STAU2: variants seen among roughly 807,000 people sequenced by gnomAD.
The protein encoded by STAU2 is double-stranded RNA-binding protein Staufen homolog 2.
In STAU2, 20 loss-of-function variants were observed where a neutral mutation model predicts 65.9. The observed-to-expected ratio is 0.30, with a 90% CI of 0.21 to 0.44. The LOEUF (loss-of-function observed/expected upper bound fraction) is 0.44. STAU2 is among the 20% of genes least tolerant of loss of function. The probability of loss-of-function intolerance (pLI) is 1.00; values close to 1 mark genes in which losing one functional copy is unlikely to be tolerated. For synonymous variants in STAU2, 232 were observed against 233.9 expected, an observed-to-expected ratio of 0.99 and a Z score of 0.07; for missense variants, 558 against 683.9, an observed-to-expected ratio of 0.82 and a Z score of 2.05.
intron 13 of STAU2, among the ~76,000 whole-genome samples, chr8:73,509,351 T>A (rs1338673351): frequency 6.6e-6 from 1 of 152,234 alleles, no homozygotes; most frequent in Non-Finnish European, 1.5e-5. Flanking sequence ...TGTCTTCTAA[T>A]TATTGAGATA....
intron 7 of STAU2, among the ~76,000 whole-genome samples, chr8:73,616,890 G>C (rs985876393): frequency 6.6e-6 from 1 of 152,192 alleles, no homozygotes; most frequent in Non-Finnish European, 1.5e-5. Context: ...CTGAAGCCAT[G>C]AGAATGAGTG....
intron 13 of STAU2, among the ~76,000 whole-genome samples, chr8:73,538,566 A>G (rs113330677): frequency 0.035 from 5,393 of 152,096 alleles, 264 homozygotes; most frequent in Admixed American, 0.13. Flanking sequence ...CTGATATGGA[A>G]AGGAAAAAGG....
intron 12 of STAU2, among the ~76,000 whole-genome samples, chr8:73,565,727 T>G (rs1414263984): frequency 6.6e-6 from 1 of 152,226 alleles, no homozygotes; most frequent in African/African-American, 2.4e-5. Context: ...TAAACTTTCT[T>G]AATTGTACAT....
intron 10 of STAU2, among the ~76,000 whole-genome samples, chr8:73,601,865 T>C (rs1212111949): frequency 6.6e-6 from 1 of 152,170 alleles, no homozygotes; most frequent in African/African-American, 2.4e-5. Context: ...TGTCTAAAAT[T>C]CAGGCGATTT....
At chr8:73,471,019 C>G (rs1563611708) in intron 13 of STAU2, among the ~76,000 whole-genome samples, 1 of 152,076 alleles carries the variant, frequency 6.6e-6, no homozygotes, top group Non-Finnish European at 1.5e-5. Context: ...AACCTCCACT[C>G]CCCTCCCCAA....
Position 73,421,053 on chromosome 8 carries a change from T to A in STAU2, c.*319A>T, listed in dbSNP as rs921809606. 1.2e-5 allele frequency: 3 copies of A among 240,368 alleles called. No homozygotes were observed. Among genetic ancestry groups the A allele is most frequent in the African/African-American group, 6.8e-5 (3 of 44,370 alleles). 14.9% of individuals were successfully genotyped at this position (240,368 alleles called of 1,614,324 possible). A position where few individuals can be genotyped will look rare whatever the true frequency, so the allele number is the denominator to read the frequency against. ...CCAAACCCAACTTCTCTATTATTAATCATGTTAAAATTTTAGCTTTGTTTC... is the reference window on the plus strand; with the variant it reads ...CCAAACCCAACTTCTCTATTATTAAACATGTTAAAATTTTAGCTTTGTTTC... On this transcript the variant is annotated 3_prime_UTR_variant, in exon 15 of 15. Coordinates refer to ENST00000524300, the MANE Select transcript of STAU2 (RefSeq NM_001164380.2).
chr8:73,468,921 G>A (rs1179385137), intron 13 of STAU2, among the ~76,000 whole-genome samples: 1 of 148,838 alleles, frequency 6.7e-6, no homozygotes, highest in Non-Finnish European at 1.5e-5. Context: ...TCTAGAACTA[G>A]AAATAACATT....
At chr8:73,575,779 T>C (rs879843121) in intron 12 of STAU2, among the ~76,000 whole-genome samples, 1 of 147,574 alleles carries the variant, frequency 6.8e-6, no homozygotes, top group South Asian at 2.2e-4. Context: ...TTTATACATA[T>C]GTATATAAAT....
rs550660719 is a variant in STAU2 at position 73,714,297 on chromosome 8, G to C, written c.-17-5135C>G. On this transcript the variant is annotated intron_variant, in intron 3 of 14. Transcript: ENST00000524300. ...CCTAATTCCCAAGTAAAATAAGAAAGAAAAAAGTCAAAAGAGCAAAGGACC... is the reference window on the plus strand; with the variant it reads ...CCTAATTCCCAAGTAAAATAAGAAACAAAAAAGTCAAAAGAGCAAAGGACC... Among the ~76,000 whole-genome samples the C allele has an allele frequency of 2.0e-5, 3 of 152,236 alleles. No homozygotes were observed. The South Asian group carries it at 6.2e-4, about 32-fold the overall frequency.
At chr8:73,698,935 A>AG (rs57943352) in intron 4 of STAU2, among the ~76,000 whole-genome samples, 26,391 of 143,860 alleles carry the variant, frequency 0.18, 2,868 homozygotes, top group East Asian at 0.34. Flanking sequence ...AAAAAAAAAA[A>AG]AGAGAGAGAG....
intron 6 of STAU2, among the ~76,000 whole-genome samples, chr8:73,658,459 T>A (rs1057429387): frequency 6.6e-6 from 1 of 152,120 alleles, no homozygotes; most frequent in African/African-American, 2.4e-5. Context: ...GTAATCAACA[T>A]AAAAACAAAG....
intron 3 of STAU2, among the ~76,000 whole-genome samples, chr8:73,730,728 CAAAA>C (rs60034849): frequency 1.5e-4 from 12 of 82,700 alleles, no homozygotes; most frequent in African/African-American, 4.7e-4. Flanking sequence ...CTACGTCTTT[CAAAA>C]AAAAAAAAAA....
chr8:73,460,182 C>G (rs968897639), intron 13 of STAU2, among the ~76,000 whole-genome samples: 1 of 152,224 alleles, frequency 6.6e-6, no homozygotes, highest in African/African-American at 2.4e-5. Context: ...TCTGGCAAAA[C>G]ATTCCTTCTA....
chr8:73,456,615 G>A (rs1280301349), intron 13 of STAU2, among the ~76,000 whole-genome samples: 1 of 152,090 alleles, frequency 6.6e-6, no homozygotes, highest in Non-Finnish European at 1.5e-5. Context: ...AACGAGCATG[G>A]GGCCCATATT....
At chr8:73,574,849 A>G (rs1407024421) in intron 12 of STAU2, among the ~76,000 whole-genome samples, 5 of 152,136 alleles carry the variant, frequency 3.3e-5, no homozygotes, top group Admixed American at 1.3e-4. Context: ...TGGCACATGT[A>G]TACATATGTA....
intron 5 of STAU2, 124 bp from the exon 6 acceptor site, chr8:73,673,366 G>T: frequency 1.0e-6 from 1 of 988,354 alleles, no homozygotes; most frequent in Non-Finnish European, 1.3e-6. Context: ...CCACCTGTAT[G>T]ATTTTCTAAG....
intron 13 of STAU2, among the ~76,000 whole-genome samples, chr8:73,481,500 C>CAAAAAAAAAAA (rs766805913): frequency 1.7e-5 from 1 of 60,060 alleles, no homozygotes; most frequent in African/African-American, 7.5e-5. Context: ...CAAAATAAGC[C>CAAAAAAAAAAA]AAAAAAACAA....
intron 13 of STAU2, among the ~76,000 whole-genome samples, chr8:73,444,755 C>T (rs1051390387): frequency 3.3e-5 from 5 of 152,202 alleles, no homozygotes; most frequent in African/African-American, 1.2e-4. Context: ...CAAAGCCCAG[C>T]ACAGTGACCT....
At chr8:73,621,027 C>A (rs1405402497) in intron 6 of STAU2, among the ~76,000 whole-genome samples, 3 of 152,112 alleles carry the variant, frequency 2.0e-5, no homozygotes, top group Non-Finnish European at 4.4e-5. Flanking sequence ...TTATAAAGAT[C>A]GATATGTTCT....
Sources: allele counts gnomAD v4.1 joint callset (sites outside exome capture counted in the v4.1 genomes callset), GRCh38; gene constraint gnomAD v4.1.1; transcripts MANE v1.5; gene names NCBI Gene and HGNC (gene_info 2026-07-23, HGNC 2026-07-21).